Variants in LRRC27 observed in about 807,000 individuals in gnomAD.
LRRC27 encodes the protein leucine rich repeat containing 27, also known as leucine-rich repeat-containing protein 27.
LRRC27 carries 57 observed loss-of-function variants against 55.0 expected under a neutral mutation model. That is an observed-to-expected ratio of 1.04 (90% CI 0.84 to 1.29). LRRC27 has a LOEUF of 1.29. LRRC27 is among the 50% of genes most tolerant of loss of function. LRRC27 has a pLI of 0.00. For missense variants in LRRC27, 721 were observed against 651.5 expected (o/e 1.11, Z -1.16); for synonymous variants, 278 against 251.9 (o/e 1.10, Z -0.98).
chr10:132,347,406 G>A (rs1473146992), intron 5 of LRRC27, among the ~76,000 whole-genome samples: 2 of 150,920 alleles, frequency 1.3e-5, no homozygotes, highest in Non-Finnish European at 3.0e-5. Context: ...AAGGTCAGGC[G>A]TGTCTCATGG....
chr10:132,338,735 A>C (rs1218983742), intron 3 of LRRC27, among the ~76,000 whole-genome samples: 15 of 136,680 alleles, frequency 1.1e-4, no homozygotes, highest in African/African-American at 3.9e-4. Context: ...TTTGAGACGG[A>C]ATCTTGCTCT....
At position 132,342,239 on chromosome 10, in the gene LRRC27, G is replaced by T. The variant is rs537830662; in HGVS notation, c.368G>T (p.Arg123Ile). ...CATTTGAAAACTTTGCTTTTAGAAAGAAATCCTATCAAAATGTTACCTGTG... is the reference window on the plus strand; with the variant it reads ...CATTTGAAAACTTTGCTTTTAGAAATAAATCCTATCAAAATGTTACCTGTG... ...HQHLKTLLLE[R>I]NPIKMLPVEL... is the part of the protein sequence containing the mutation. The change falls in exon 4 of 11, where the codon AGA becomes ATA. Residue 123 changes from arginine (R) to isoleucine (I), a missense_variant. Coordinates refer to ENST00000368614, the MANE Select transcript of LRRC27 (RefSeq NM_030626.3). The T allele has an allele frequency of 6.4e-7, 1 of 1,555,142 alleles. No individual in the cohort carries two copies. The highest frequency in any genetic ancestry group is 1.4e-5 in the African/African-American group (1 of 72,728).
rs138049710 is a variant in LRRC27 at position 132,352,999 on chromosome 10, G to T, written c.1073+1246G>T. On this transcript the variant is annotated intron_variant, in intron 7 of 10. Coordinates refer to ENST00000368614, the MANE Select transcript of LRRC27 (RefSeq NM_030626.3). ...CACCACCTTGCGAGGTGTGTTGGCCGATGGACTCGGTGTCCTCAGTGTCTT... is the reference window on the plus strand; with the variant it reads ...CACCACCTTGCGAGGTGTGTTGGCCTATGGACTCGGTGTCCTCAGTGTCTT... 9 of 1,610,072 alleles carry T rather than the reference G, an allele frequency of 5.6e-6. No individual in the cohort carries two copies. The South Asian group carries it at 6.6e-5, about 12-fold the overall frequency.
chr10:132,366,811 A>G (rs575145613), intron 10 of LRRC27: 1 of 1,246,690 alleles, frequency 8.0e-7, no homozygotes, highest in Admixed American at 2.6e-5. Context: ...TGCAGGCTCC[A>G]TTCCCACCAT....
At chr10:132,331,838 G>C, upstream of LRRC27, 1 of 1,495,504 alleles carries the variant, frequency 6.7e-7, no homozygotes, top group Non-Finnish European at 9.0e-7. Context: ...CCGCGGGCGC[G>C]GAAAAACGGA....
chr10:132,342,486 A>T (rs1263903564), intron 4 of LRRC27, among the ~76,000 whole-genome samples: 1 of 152,212 alleles, frequency 6.6e-6, no homozygotes, highest in African/African-American at 2.4e-5. Flanking sequence ...TGTGTGAGGC[A>T]CAGTCACAGT....
intron 9 of LRRC27, among the ~76,000 whole-genome samples, chr10:132,364,119 GGCAT>G (rs2068786166): frequency 1.3e-5 from 2 of 152,084 alleles, no homozygotes; most frequent in African/African-American, 4.8e-5. Flanking sequence ...GCTGACACAG[GGCAT>G]GCCCTGACCT....
intron 8 of LRRC27, among the ~76,000 whole-genome samples, chr10:132,360,475 C>CA (rs1484911686): frequency 6.6e-6 from 1 of 152,204 alleles, no homozygotes; most frequent in Non-Finnish European, 1.5e-5. Flanking sequence ...TCCCAGCTCT[C>CA]AGTCAGCCAA....
chr10:132,331,352 C>G (rs984968606), upstream of LRRC27: 2 of 1,411,402 alleles, frequency 1.4e-6, no homozygotes, highest in Non-Finnish European at 1.9e-6. Context: ...CAGGGTTCCA[C>G]AGGACCACGC....
At chr10:132,360,715 C>A (rs948805979) in intron 8 of LRRC27, among the ~76,000 whole-genome samples, 1 of 152,234 alleles carries the variant, frequency 6.6e-6, no homozygotes, top group Non-Finnish European at 1.5e-5. Context: ...TACAACCATT[C>A]CAAACGTCAT....
rs867851852 is a variant in LRRC27, at chr10:132,358,579, C to T, written c.1170+2693C>T. Among the ~76,000 whole-genome samples the T allele has an allele frequency of 6.6e-3, 393 of 59,736 alleles. 60 individuals carry two copies. Among genetic ancestry groups the T allele is most frequent in the Middle Eastern group, 0.017 (1 of 58 alleles). 39.2% of individuals were successfully genotyped at this position (59,736 alleles called of 152,430 possible). A position where few individuals can be genotyped will look rare whatever the true frequency, so the allele number is the denominator to read the frequency against. On this transcript the variant is annotated intron_variant, in intron 8 of 10. Transcript: ENST00000368614. ...GTGGTGGAGCAGTGTGGGGAGGAGCCGAGGTGGTGGAGCAGCGTAGGGAGG... is the reference window on the plus strand; with the variant it reads ...GTGGTGGAGCAGTGTGGGGAGGAGCTGAGGTGGTGGAGCAGCGTAGGGAGG...
At position 132,379,666 on chromosome 10, in the gene LRRC27, T is replaced by A. The variant is rs2069386561; in HGVS notation, c.*4424T>A. 1 of 152,218 alleles carries A rather than the reference T, an allele frequency of 6.6e-6. No individual in the cohort carries two copies. Among genetic ancestry groups the A allele is most frequent in the Non-Finnish European group, 1.5e-5 (1 of 68,036 alleles). The allele number at this position is 152,218 out of a possible 1,614,324, so 9.4% of individuals were successfully genotyped here. A position where few individuals can be genotyped will look rare whatever the true frequency, so the allele number is the denominator to read the frequency against. On this transcript the variant is annotated 3_prime_UTR_variant, in exon 11 of 11. Coordinates refer to ENST00000368614, the MANE Select transcript of LRRC27 (RefSeq NM_030626.3). ...CTGGTAATTTTTTGTGGATGCCGAT[T>A]CTCTGTTGAAATTCTCCATCTTTTC... is the stretch of plus-strand genomic sequence containing the variant.
rs7920749 is a variant in LRRC27, at chr10:132,378,970, G to C, written c.*3728G>C. Reference sequence around the variant, plus strand: ...ACCTCCGTGTTCTCAGGGAGTGCGTGGTCTTGGATGCCATCCTGCTCATCT... The same window carrying C: ...ACCTCCGTGTTCTCAGGGAGTGCGTCGTCTTGGATGCCATCCTGCTCATCT... On this transcript the variant is annotated 3_prime_UTR_variant, in exon 11 of 11. Transcript: ENST00000368614. 0.028 allele frequency: 4,296 copies of C among 151,760 alleles called. 145 individuals carry two copies. Among genetic ancestry groups the C allele is most frequent in the African/African-American group, 0.095 (3,842 of 40,528 alleles). 9.4% of individuals were successfully genotyped at this position (151,760 alleles called of 1,614,324 possible). A position where few individuals can be genotyped will look rare whatever the true frequency, so the allele number is the denominator to read the frequency against.
In LRRC27 at chr10:132,376,843, G is replaced by C. The variant is rs1039643713; in HGVS notation, c.*1601G>C. 6.6e-6 allele frequency: 1 copy of C among 152,232 alleles called. No homozygotes were observed. Among genetic ancestry groups the C allele is most frequent in the Non-Finnish European group, 1.5e-5 (1 of 68,052 alleles). 9.4% of individuals were successfully genotyped at this position (152,232 alleles called of 1,614,324 possible). On this transcript the variant is annotated 3_prime_UTR_variant, in exon 11 of 11. Transcript: ENST00000368614. ...ACCCTTACTGACTGACTTAAGCCTGGTTTCTCAGTTACTGAGAGAGGCCTG... is the reference window on the plus strand; with the variant it reads ...ACCCTTACTGACTGACTTAAGCCTGCTTTCTCAGTTACTGAGAGAGGCCTG...
chr10:132,366,694 C>G (rs1564857783), intron 10 of LRRC27: 2 of 423,336 alleles, frequency 4.7e-6, no homozygotes, highest in African/African-American at 2.2e-5. Flanking sequence ...GTACCATGCC[C>G]GAACACAGGT....
chr10:132,357,858 C>T (rs533785441), intron 8 of LRRC27, among the ~76,000 whole-genome samples: 152 of 152,342 alleles, frequency 1.0e-3, no homozygotes, highest in African/African-American at 3.2e-3. Flanking sequence ...CCCACGGGAG[C>T]GCGCACCTAG....
At chr10:132,358,061 C>T (rs1032232990) in intron 8 of LRRC27, among the ~76,000 whole-genome samples, 2 of 152,232 alleles carry the variant, frequency 1.3e-5, no homozygotes, top group African/African-American at 4.8e-5. Flanking sequence ...GTGCTGTAGT[C>T]AGAGTCCAAG....
chr10:132,352,513 CGCAGGTGCAGCGCTCCGTGTGGGGCAGAT>C (rs2068092530), intron 7 of LRRC27, among the ~76,000 whole-genome samples: 7 of 49,868 alleles, frequency 1.4e-4, no homozygotes, highest in African/African-American at 6.0e-4. Flanking sequence ...GTGGGGCAGG[CGCAGGTGCAGCGCTCCGTGTGGGGCAGAT>C]GCTGAGGCCT....
At chr10:132,364,175 C>G (rs2068789659) in intron 9 of LRRC27, among the ~76,000 whole-genome samples, 1 of 151,994 alleles carries the variant, frequency 6.6e-6, no homozygotes, top group Admixed American at 6.5e-5. Flanking sequence ...ATCATGCTTT[C>G]TTTTCCATAG....
Sources: gnomAD v4.1 joint callset for allele counts (sites outside exome capture counted in the v4.1 genomes callset) on GRCh38, gnomAD v4.1.1 for gene constraint, MANE v1.5 for transcripts, NCBI Gene and HGNC (gene_info 2026-07-23, HGNC 2026-07-21) for gene names.